FMN2: variants seen among roughly 807,000 people sequenced by gnomAD.
FMN2 encodes the protein formin 2.
A neutral mutation model predicts 142.3 loss-of-function variants in FMN2; 51 were observed. That is an observed-to-expected ratio of 0.36 (90% CI 0.29 to 0.45). The LOEUF (loss-of-function observed/expected upper bound fraction) is 0.45. FMN2 is among the 20% of genes least tolerant of loss of function. The pLI, the probability that FMN2 is intolerant of heterozygous loss-of-function variation, is 1.00. For missense variants in FMN2, 1,936 were observed against 2,122.8 expected (o/e 0.91, Z 1.73); for synonymous variants, 882 against 869.8 (o/e 1.01, Z -0.25).
At chr1:240,252,205 G>A (rs1011996191) in intron 6 of FMN2, among the ~76,000 whole-genome samples, 1 of 152,028 alleles carries the variant, frequency 6.6e-6, no homozygotes. Flanking sequence ...CACTATTTCC[G>A]GCCTCCTTAA....
chr1:240,139,607 T>C (rs780506681), intron 2 of FMN2, among the ~76,000 whole-genome samples: 5 of 152,100 alleles, frequency 3.3e-5, no homozygotes, highest in East Asian at 1.9e-4. Flanking sequence ...AGAAGGAGTG[T>C]TAAGTGATAT....
chr1:240,423,687 GT>G (rs1440767558), intron 15 of FMN2, among the ~76,000 whole-genome samples: 1 of 152,184 alleles, frequency 6.6e-6, no homozygotes, highest in Non-Finnish European at 1.5e-5. Context: ...GACCCCCAGG[GT>G]GTATTTAGAT....
intron 16 of FMN2, among the ~76,000 whole-genome samples, chr1:240,439,328 CA>C (rs1263786692): frequency 6.7e-6 from 1 of 150,064 alleles, no homozygotes; most frequent in Non-Finnish European, 1.5e-5. Context: ...AAACTTTGTT[CA>C]CAAAATTCCA....
intron 6 of FMN2, among the ~76,000 whole-genome samples, chr1:240,221,746 T>G (rs1481259666): frequency 6.6e-6 from 1 of 152,160 alleles, no homozygotes; most frequent in East Asian, 1.9e-4. Context: ...AGATCCCGTT[T>G]GTCAATTTTG....
chr1:240,297,341 A>G (rs924047030), intron 8 of FMN2, among the ~76,000 whole-genome samples: 1 of 152,138 alleles, frequency 6.6e-6, no homozygotes, highest in African/African-American at 2.4e-5. Context: ...CATGCCTGTA[A>G]TCCTAGCACT....
rs1665095203 is a variant in FMN2, at chr1:240,180,301, A to T, written c.1930+2233A>T. The T allele has an allele frequency of 5.9e-6, 3 of 510,338 alleles. No individual in the cohort carries two copies. In the South Asian group the frequency reaches 7.0e-5, roughly 12 times the overall value. 31.6% of individuals were successfully genotyped at this position (510,338 alleles called of 1,614,324 possible). ...GTCTTTCTAAACTTCTTCTGTTGTGACTCCCTGACGTAAATTTGGAGAGAC... is the reference window on the plus strand; with the variant it reads ...GTCTTTCTAAACTTCTTCTGTTGTGTCTCCCTGACGTAAATTTGGAGAGAC... On this transcript the variant is annotated intron_variant, in intron 3 of 17. Coordinates refer to ENST00000319653, the MANE Select transcript of FMN2 (RefSeq NM_020066.5).
chr1:240,359,507 C>T (rs1672389330), intron 14 of FMN2, among the ~76,000 whole-genome samples: 1 of 152,016 alleles, frequency 6.6e-6, no homozygotes, highest in African/African-American at 2.4e-5. Flanking sequence ...CCCTGTAATT[C>T]AGCTATTGTG....
intron 15 of FMN2, among the ~76,000 whole-genome samples, chr1:240,397,770 A>C: frequency 1.4e-5 from 2 of 142,780 alleles, no homozygotes; most frequent in South Asian, 2.4e-4. Context: ...AGCCCAGGCA[A>C]CATAGACTCC....
intron 15 of FMN2, among the ~76,000 whole-genome samples, chr1:240,414,814 G>T (rs1324218761): frequency 6.6e-6 from 1 of 152,160 alleles, no homozygotes; most frequent in Non-Finnish European, 1.5e-5. Flanking sequence ...CTACTATTTT[G>T]ACCCTGTGGT....
chr1:240,142,745 GGCCAATT>G, intron 2 of FMN2: 1 of 1,608,040 alleles, frequency 6.2e-7, no homozygotes, highest in African/African-American at 1.3e-5. Context: ...ACTCCTCAGT[GGCCAATT>G]CTGCCCGTTC....
intron 8 of FMN2, among the ~76,000 whole-genome samples, chr1:240,311,520 G>C (rs535590193): frequency 6.6e-6 from 1 of 151,840 alleles, no homozygotes; most frequent in Non-Finnish European, 1.5e-5. Context: ...AACCATAAAC[G>C]TGCTTAAGGT....
intron 15 of FMN2, among the ~76,000 whole-genome samples, chr1:240,398,517 C>T (rs1388945196): frequency 6.6e-6 from 1 of 152,070 alleles, no homozygotes; most frequent in Non-Finnish European, 1.5e-5. Flanking sequence ...GTAAAAGAGC[C>T]ATCTTTTATA....
intron 16 of FMN2, among the ~76,000 whole-genome samples, chr1:240,444,447 C>G (rs944548400): frequency 1.3e-5 from 2 of 152,146 alleles, no homozygotes; most frequent in Non-Finnish European, 2.9e-5. Flanking sequence ...TGTGGCCTAT[C>G]ATTATTTCAT....
intron 16 of FMN2, among the ~76,000 whole-genome samples, chr1:240,447,253 G>A (rs1002300340): frequency 6.6e-6 from 1 of 152,184 alleles, no homozygotes; most frequent in South Asian, 2.1e-4. Context: ...TGCTGGGTCT[G>A]TGTGTGTTGG....
intron 7 of FMN2, among the ~76,000 whole-genome samples, chr1:240,275,087 T>C (rs1669150255): frequency 6.6e-6 from 1 of 151,646 alleles, no homozygotes; most frequent in African/African-American, 2.4e-5. Context: ...TAAGTTTTTT[T>C]TTTTTTTTGT....
chr1:240,411,733 A>C (rs570731454), intron 15 of FMN2, among the ~76,000 whole-genome samples: 140 of 151,734 alleles, frequency 9.2e-4, no homozygotes, highest in Non-Finnish European at 1.6e-3. Context: ...ACTCTGCTGG[A>C]AAGTTTTTTC....
chr1:240,190,091 G>C (rs1228595385), intron 4 of FMN2, among the ~76,000 whole-genome samples: 1 of 152,188 alleles, frequency 6.6e-6, no homozygotes, highest in Non-Finnish European at 1.5e-5. Context: ...ACATATTCAT[G>C]TGTGTAACAT....
At chr1:240,323,175 CTCT>C (rs1277186200) in intron 8 of FMN2, among the ~76,000 whole-genome samples, 5 of 148,982 alleles carry the variant, frequency 3.4e-5, no homozygotes, top group Non-Finnish European at 7.4e-5. Flanking sequence ...CTCTTTCTCT[CTCT>C]TTTCTTTTCT....
intron 1 of FMN2, among the ~76,000 whole-genome samples, chr1:240,118,439 C>A (rs1385078111): frequency 1.3e-5 from 2 of 152,042 alleles, no homozygotes; most frequent in Non-Finnish European, 2.9e-5. Context: ...GGATAGTGTG[C>A]AAGCAGGTTG....
Sources: allele counts gnomAD v4.1 joint callset (sites outside exome capture counted in the v4.1 genomes callset), GRCh38; gene constraint gnomAD v4.1.1; transcripts MANE v1.5; gene names NCBI Gene and HGNC (gene_info 2026-07-23, HGNC 2026-07-21).